The following CADM2 variants were observed in gnomAD, a reference collection of about 807,000 sequenced individuals.
CADM2 encodes cell adhesion molecule 2, also known as immunoglobulin superfamily member 4D.
A neutral mutation model predicts 49.8 loss-of-function variants in CADM2; 12 were observed. The observed-to-expected ratio is 0.24, with a 90% CI of 0.15 to 0.39. The LOEUF is 0.39. Among genes scored for constraint, CADM2 ranks in the 10% least tolerant of loss-of-function variants. The probability of loss-of-function intolerance (pLI) is 1.00; values close to 1 mark genes in which losing one functional copy is unlikely to be tolerated. For missense variants in CADM2, 378 were observed against 492.3 expected (o/e 0.77, Z 2.20); for synonymous variants, 214 against 175.4 (o/e 1.22, Z -1.74).
intron 1 of CADM2, among the ~76,000 whole-genome samples, chr3:85,282,746 G>T (rs2043535887): frequency 2.0e-5 from 3 of 151,784 alleles, no homozygotes; most frequent in Admixed American, 2.0e-4. Context: ...CATATTTCTA[G>T]CTTATTAAAA....
intron 8 of CADM2, among the ~76,000 whole-genome samples, chr3:86,048,896 A>G (rs1359525076): frequency 1.3e-5 from 2 of 152,212 alleles, no homozygotes; most frequent in Non-Finnish European, 2.9e-5. Context: ...CATTTTACAG[A>G]AAATAAAACA....
At chr3:85,145,248 T>A (rs2039703197) in intron 1 of CADM2, among the ~76,000 whole-genome samples, 1 of 152,194 alleles carries the variant, frequency 6.6e-6, no homozygotes, top group Admixed American at 6.5e-5. Context: ...TTTTGTTACT[T>A]CACTTGCTTG....
chr3:85,792,014 C>T (rs550970074), intron 2 of CADM2, among the ~76,000 whole-genome samples: 6 of 152,220 alleles, frequency 3.9e-5, no homozygotes, highest in Admixed American at 1.3e-4. Context: ...TAAGCCACCG[C>T]GCCTGGCCAG....
chr3:85,662,599 C>T (rs932416944), intron 1 of CADM2, among the ~76,000 whole-genome samples: 1 of 152,022 alleles, frequency 6.6e-6, no homozygotes, highest in African/African-American at 2.4e-5. Context: ...AACTTCAGGT[C>T]TCTGCAAATG....
intron 8 of CADM2, among the ~76,000 whole-genome samples, chr3:86,011,610 G>A (rs73843571): frequency 0.02 from 3,115 of 152,174 alleles, 89 homozygotes; most frequent in African/African-American, 0.062. Context: ...TCAGAAAAAG[G>A]AAGAGCAATA....
chr3:85,693,430 A>T (rs985959679), intron 1 of CADM2, among the ~76,000 whole-genome samples: 5 of 150,342 alleles, frequency 3.3e-5, no homozygotes, highest in African/African-American at 1.2e-4. Flanking sequence ...AATACAAAAA[A>T]TTAGCCGGGC....
intron 7 of CADM2, among the ~76,000 whole-genome samples, chr3:85,959,550 A>T (rs1724556461): frequency 1.3e-5 from 2 of 151,862 alleles, no homozygotes; most frequent in African/African-American, 4.8e-5. Context: ...TTCTCCTATC[A>T]TGCCCAAGGG....
rs576287423 is a variant in CADM2, at chr3:85,197,017, G to T, written c.61+237349G>T. Among the ~76,000 whole-genome samples, 3 of 151,992 alleles carry T rather than the reference G, an allele frequency of 2.0e-5. No homozygotes were observed. In the South Asian group the frequency reaches 6.2e-4, roughly 31 times the overall value. On this transcript the variant is annotated intron_variant, in intron 1 of 9. Transcript: ENST00000383699. The stretch of plus-strand genomic sequence containing the variant: ...ATAGAAGGAAATCTTAATTGGCCTA[G>T]GGAAAACCTTTGCTACGTTTTAGGA...
intron 2 of CADM2, among the ~76,000 whole-genome samples, chr3:85,735,037 T>C (rs936038115): frequency 6.6e-6 from 1 of 151,696 alleles, no homozygotes; most frequent in Non-Finnish European, 1.5e-5. Context: ...TATTTTTTAC[T>C]GCATGGAGCT....
At chr3:84,997,407 C>G (rs1233235676) in intron 1 of CADM2, among the ~76,000 whole-genome samples, 2 of 151,912 alleles carry the variant, frequency 1.3e-5, no homozygotes, top group African/African-American at 4.8e-5. Context: ...TTGAATTATT[C>G]ATAGAAAGAA....
intron 1 of CADM2, among the ~76,000 whole-genome samples, chr3:85,220,108 C>A (rs2042013457): frequency 2.0e-5 from 3 of 152,048 alleles, no homozygotes; most frequent in African/African-American, 7.2e-5. Context: ...CACTAGAAAT[C>A]CACCTCTGAA....
intron 1 of CADM2, among the ~76,000 whole-genome samples, chr3:85,623,777 C>A (rs558934412): frequency 6.6e-6 from 1 of 152,012 alleles, no homozygotes; most frequent in Non-Finnish European, 1.5e-5. Flanking sequence ...TAATAGTTAT[C>A]TTTTAAACAG....
At chr3:85,943,609 G>A (rs1272368286) in intron 7 of CADM2, among the ~76,000 whole-genome samples, 5 of 151,964 alleles carry the variant, frequency 3.3e-5, no homozygotes, top group African/African-American at 9.7e-5. Flanking sequence ...TAAGACAAAA[G>A]AACAAAGCTG....
chr3:85,990,659 G>T (rs572494962), intron 8 of CADM2, among the ~76,000 whole-genome samples: 52 of 152,170 alleles, frequency 3.4e-4, no homozygotes, highest in African/African-American at 1.2e-3. Context: ...AATAATAAGG[G>T]TTAGCTTTTA....
chr3:85,749,520 T>C (rs2068773669), intron 2 of CADM2, among the ~76,000 whole-genome samples: 1 of 152,040 alleles, frequency 6.6e-6, no homozygotes, highest in Non-Finnish European at 1.5e-5. Context: ...AGAAAAAGAT[T>C]ACTTGCTCTA....
intron 1 of CADM2, among the ~76,000 whole-genome samples, chr3:85,161,792 C>A (rs1197637069): frequency 6.6e-6 from 1 of 151,860 alleles, no homozygotes; most frequent in Non-Finnish European, 1.5e-5. Flanking sequence ...CCGAGGTGGG[C>A]GGATCACTTG....
At chr3:85,465,884 A>G (rs1283311712) in intron 1 of CADM2, among the ~76,000 whole-genome samples, 1 of 152,184 alleles carries the variant, frequency 6.6e-6, no homozygotes, top group Non-Finnish European at 1.5e-5. Context: ...TCTGAAGACC[A>G]TTACCGAAAG....
intron 2 of CADM2, among the ~76,000 whole-genome samples, chr3:85,733,237 C>T (rs974548131): frequency 2.6e-5 from 4 of 152,174 alleles, no homozygotes; most frequent in Non-Finnish European, 5.9e-5. Flanking sequence ...AGAAAAGCTT[C>T]AGGCACAGCT....
chr3:85,269,586 T>C, intron 1 of CADM2, among the ~76,000 whole-genome samples: 1 of 151,332 alleles, frequency 6.6e-6, no homozygotes, highest in Non-Finnish European at 1.5e-5. Context: ...AAACAGATAT[T>C]TGTTTTGTAT....
Sources: gnomAD v4.1 joint callset for allele counts (sites outside exome capture counted in the v4.1 genomes callset) on GRCh38, gnomAD v4.1.1 for gene constraint, MANE v1.5 for transcripts, NCBI Gene and HGNC (gene_info 2026-07-23, HGNC 2026-07-21) for gene names.